The following TRABD2B variants were observed in gnomAD, a reference collection of about 807,000 sequenced individuals.
TRABD2B encodes metalloprotease TIKI2.
TRABD2B carries 14 observed loss-of-function variants against 40.1 expected under a neutral mutation model. The ratio of observed to expected loss-of-function variants is 0.35; its 90% CI spans 0.23 to 0.55. The LOEUF is 0.55. TRABD2B is among the 20% of genes least tolerant of loss of function. The pLI is 0.90. For missense variants in TRABD2B, 541 were observed against 648.6 expected (o/e 0.83, Z 1.80); for synonymous variants, 263 against 277.0 (o/e 0.95, Z 0.50).
chr1:47,778,579 T>C, intron 4 of TRABD2B, 35 bp from the exon 5 acceptor site: 1 of 1,494,494 alleles, frequency 6.7e-7, no homozygotes, highest in Non-Finnish European at 9.0e-7. Context: ...CTCAGCCACA[T>C]GCCAGGCCAC....
intron 6 of TRABD2B, among the ~76,000 whole-genome samples, chr1:47,774,922 C>T (rs923990208): frequency 6.6e-6 from 1 of 152,260 alleles, no homozygotes; most frequent in Non-Finnish European, 1.5e-5. Context: ...GATTTGTGCG[C>T]TGTGCCTGAA....
At chr1:47,831,222 CGTAA>C (rs1645244105) in intron 2 of TRABD2B, among the ~76,000 whole-genome samples, 1 of 151,974 alleles carries the variant, frequency 6.6e-6, no homozygotes, top group African/African-American at 2.4e-5. Flanking sequence ...TTTTACAGCA[CGTAA>C]GAAAGCCGGC....
chr1:47,923,168 A>G (rs1644923897), intron 2 of TRABD2B, among the ~76,000 whole-genome samples: 1 of 151,876 alleles, frequency 6.6e-6, no homozygotes, highest in South Asian at 2.1e-4. Context: ...CCTGAGTGTC[A>G]CCTCCTCAGA....
chr1:47,971,231 A>G (rs1645678074), intron 2 of TRABD2B, among the ~76,000 whole-genome samples: 1 of 152,116 alleles, frequency 6.6e-6, no homozygotes, highest in Non-Finnish European at 1.5e-5. Flanking sequence ...ACAATCTACT[A>G]TATATAGGAA....
chr1:47,794,687 C>T lies in TRABD2B; in HGVS notation c.887G>A (p.Arg296His), dbSNP rs770380865. ...VTAQEIDSYF[R>H]QELIYKRNER... ...ATTCCTCTTGTAGATGAGCTCCTGG[C>T]GGAAGTAGCTGTCAATCTCCTGGGC... The change falls in exon 4 of 7, where the codon CGC becomes CAC. Residue 296 changes from arginine to histidine, a missense_variant. Coordinates refer to ENST00000606738, the MANE Select transcript of TRABD2B (RefSeq NM_001194986.2). 4.6e-6 allele frequency: 7 copies of T among 1,535,756 alleles called. No individual in the cohort carries two copies. The highest frequency in any genetic ancestry group is 2.4e-5 in the South Asian group (2 of 83,984).
chr1:47,766,247 C>T (rs191361450), intron 6 of TRABD2B, 141 bp from the exon 7 acceptor site: 816 of 621,980 alleles, frequency 1.3e-3, no homozygotes, highest in Non-Finnish European at 1.8e-3. Flanking sequence ...GCAGGCAAAC[C>T]GGGCAGCCCA....
intron 2 of TRABD2B, among the ~76,000 whole-genome samples, chr1:47,930,412 G>A (rs1366753989): frequency 6.6e-6 from 1 of 152,182 alleles, no homozygotes; most frequent in Non-Finnish European, 1.5e-5. Context: ...GCTGACTCCA[G>A]CTACTCCTCA....
At chr1:47,902,883 T>A (rs935224343) in intron 2 of TRABD2B, among the ~76,000 whole-genome samples, 2 of 152,212 alleles carry the variant, frequency 1.3e-5, no homozygotes, top group African/African-American at 4.8e-5. Flanking sequence ...TTAATTTTAA[T>A]TAAATAGCCA....
chr1:47,781,755 T>C (rs1644526589), intron 4 of TRABD2B, among the ~76,000 whole-genome samples: 1 of 152,168 alleles, frequency 6.6e-6, no homozygotes, highest in Admixed American at 6.5e-5. Flanking sequence ...GAGGCGCCAT[T>C]CCCATGTGGC....
intron 2 of TRABD2B, among the ~76,000 whole-genome samples, chr1:47,910,448 A>G (rs775795407): frequency 1.9e-4 from 29 of 152,138 alleles, no homozygotes; most frequent in Admixed American, 5.2e-4. Context: ...TTATTTGCTG[A>G]ACGGAAACAG....
chr1:47,883,986 T>A, intron 2 of TRABD2B, among the ~76,000 whole-genome samples: 1 of 152,348 alleles, frequency 6.6e-6, no homozygotes, highest in Middle Eastern at 3.4e-3. Context: ...ATGATTGTGC[T>A]TGACCCCCAG....
In TRABD2B at chr1:47,965,804, G is replaced by A. The variant is rs541181795; in HGVS notation, c.666+28230C>T. Among the ~76,000 whole-genome samples, 14 of 152,294 alleles carry A rather than the reference G, an allele frequency of 9.2e-5. No individual in the cohort carries two copies. In the East Asian group the frequency reaches 1.9e-3, roughly 21 times the overall value. On this transcript the variant is annotated intron_variant, in intron 2 of 6. Transcript: ENST00000606738. ...CACTCAGGATTTCAGATCATGAAGA[G>A]CAAGGGTACTCGAAGAAGGGTCTGG...
chr1:47,838,115 G>A (rs1645344019), intron 2 of TRABD2B, among the ~76,000 whole-genome samples: 1 of 152,204 alleles, frequency 6.6e-6, no homozygotes, highest in Admixed American at 6.5e-5. Flanking sequence ...AGCAGTGTGA[G>A]ACAGTCTGTT....
chr1:47,782,683 C>A (rs1390130520), intron 4 of TRABD2B, among the ~76,000 whole-genome samples: 1 of 152,226 alleles, frequency 6.6e-6, no homozygotes, highest in Non-Finnish European at 1.5e-5. Flanking sequence ...TTCTACCAAT[C>A]CCAGGAATTT....
intron 4 of TRABD2B, among the ~76,000 whole-genome samples, chr1:47,793,572 C>T (rs1644705220): frequency 6.6e-6 from 1 of 152,240 alleles, no homozygotes; most frequent in African/African-American, 2.4e-5. Context: ...AACACAGTGG[C>T]ACCAGGTGTG....
At chr1:47,779,540 T>A (rs1391449867) in intron 4 of TRABD2B, among the ~76,000 whole-genome samples, 1 of 152,188 alleles carries the variant, frequency 6.6e-6, no homozygotes, top group Non-Finnish European at 1.5e-5. Context: ...GATGTCTGAG[T>A]ACTCAGGGGA....
intron 2 of TRABD2B, among the ~76,000 whole-genome samples, chr1:47,940,009 G>A (rs961995701): frequency 1.4e-4 from 21 of 152,258 alleles, no homozygotes; most frequent in African/African-American, 1.9e-4. Context: ...GGCCCTTCAC[G>A]ATCTGGCTCC....
chr1:47,823,943 CCT>C (rs1645142930), intron 2 of TRABD2B, among the ~76,000 whole-genome samples: 2 of 152,290 alleles, frequency 1.3e-5, no homozygotes, highest in South Asian at 4.1e-4. Context: ...CTCCTTGCTC[CCT>C]CTGTTTGGAA....
chr1:47,921,160 A>T (rs1231157383), intron 2 of TRABD2B, among the ~76,000 whole-genome samples: 1 of 152,188 alleles, frequency 6.6e-6, no homozygotes, highest in East Asian at 1.9e-4. Flanking sequence ...TCCCTGCCAC[A>T]TCTGCACCCT....
Sources: allele counts gnomAD v4.1 joint callset (sites outside exome capture counted in the v4.1 genomes callset), GRCh38; gene constraint gnomAD v4.1.1; transcripts MANE v1.5; gene names NCBI Gene and HGNC (gene_info 2026-07-23, HGNC 2026-07-21).